Variants in ASRGL1 observed in about 807,000 individuals in gnomAD.
ASRGL1 encodes the protein asparaginase and isoaspartyl peptidase 1, also known as isoaspartyl peptidase/L-asparaginase.
A neutral mutation model predicts 22.4 loss-of-function variants in ASRGL1; 16 were observed. The ratio of observed to expected loss-of-function variants is 0.71; its 90% CI spans 0.48 to 1.08. The LOEUF (loss-of-function observed/expected upper bound fraction) is 1.08, where lower values mean the gene tolerates loss of function less well. Ranked by LOEUF, ASRGL1 falls within the 50% of genes least tolerant of loss-of-function variation. ASRGL1 has a pLI of 0.00. For missense variants in ASRGL1, 412 were observed against 410.1 expected (o/e 1.00, Z -0.04); for synonymous variants, 165 against 159.3 (o/e 1.04, Z -0.27).
downstream of ASRGL1, among the ~76,000 whole-genome samples, chr11:62,394,333 T>G (rs1947406063): frequency 7.1e-6 from 1 of 140,878 alleles, no homozygotes. Context: ...TAATTTATAA[T>G]TTATAATATA....
At chr11:62,371,242 G>T (rs916450169) in intron 4 of ASRGL1, 10 of 1,278,834 alleles carry the variant, frequency 7.8e-6, no homozygotes, top group Non-Finnish European at 1.0e-5. Context: ...CCGGAAGCGC[G>T]AGCCTCCCGA....
chr11:62,363,834 T>G (rs1946542326), intron 4 of ASRGL1, among the ~76,000 whole-genome samples: 2 of 152,120 alleles, frequency 1.3e-5, no homozygotes, highest in South Asian at 4.1e-4. Context: ...TTTTTTGCCA[T>G]TTTGTCAATA....
intron 4 of ASRGL1, among the ~76,000 whole-genome samples, chr11:62,365,595 A>G (rs1039951550): frequency 6.6e-6 from 1 of 152,096 alleles, no homozygotes; most frequent in Admixed American, 6.6e-5. Context: ...CACACCTGTA[A>G]TCCCAGCACT....
At chr11:62,377,640 A>AT (rs1946963296) in intron 4 of ASRGL1, among the ~76,000 whole-genome samples, 1 of 152,236 alleles carries the variant, frequency 6.6e-6, no homozygotes, top group African/African-American at 2.4e-5. Context: ...TGGGGTAATG[A>AT]TTATCAGTAA....
chr11:62,378,262 G>A (rs751164960), intron 4 of ASRGL1, among the ~76,000 whole-genome samples: 10 of 152,054 alleles, frequency 6.6e-5, no homozygotes, highest in Non-Finnish European at 1.0e-4. Flanking sequence ...AGATGCTATT[G>A]CCAGTCCAGC....
chr11:62,367,461 A>G (rs958308717), intron 4 of ASRGL1, among the ~76,000 whole-genome samples: 35 of 151,082 alleles, frequency 2.3e-4, no homozygotes, highest in African/African-American at 8.6e-4. Flanking sequence ...GTTGACCAAC[A>G]TGGTGAAACC....
intron 2 of ASRGL1, among the ~76,000 whole-genome samples, chr11:62,352,039 A>G (rs956764582): frequency 6.6e-6 from 1 of 152,156 alleles, no homozygotes; most frequent in African/African-American, 2.4e-5. Flanking sequence ...ATTTGCCCTT[A>G]TCTGTGTTAT....
chr11:62,395,362 A>G (rs1947419373), downstream of ASRGL1, among the ~76,000 whole-genome samples: 1 of 152,046 alleles, frequency 6.6e-6, no homozygotes. Context: ...AAATGGTGGG[A>G]TAATAAGGAG....
intron 2 of ASRGL1, among the ~76,000 whole-genome samples, chr11:62,341,305 T>G (rs1232092397): frequency 6.6e-6 from 1 of 151,780 alleles, no homozygotes; most frequent in Admixed American, 6.6e-5. Flanking sequence ...TTCAAGCGAT[T>G]CTCCTGCCTC....
At chr11:62,347,810 C>T (rs1946065812) in intron 2 of ASRGL1, among the ~76,000 whole-genome samples, 1 of 152,068 alleles carries the variant, frequency 6.6e-6, no homozygotes, top group Non-Finnish European at 1.5e-5. Flanking sequence ...TCCTGTAGTC[C>T]CAGCTACTTG....
chr11:62,356,614 T>C, intron 3 of ASRGL1, 147 bp downstream of exon 3: 1 of 1,096,776 alleles, frequency 9.1e-7, no homozygotes, highest in Non-Finnish European at 1.3e-6. Flanking sequence ...GTTTCTCAAA[T>C]CAGCCATGAT....
intron 2 of ASRGL1, among the ~76,000 whole-genome samples, chr11:62,351,344 C>T (rs1946161166): frequency 6.6e-6 from 1 of 152,164 alleles, no homozygotes; most frequent in African/African-American, 2.4e-5. Context: ...TTTCTTCCTT[C>T]CCAATGTTCC....
downstream of ASRGL1, among the ~76,000 whole-genome samples, chr11:62,394,219 AT>A (rs1244564600): frequency 9.1e-6 from 1 of 109,396 alleles, no homozygotes; most frequent in African/African-American, 5.9e-5. Flanking sequence ...GATATATAAT[AT>A]TATATATTTT....
At chr11:62,366,485 T>C (rs1481169930) in intron 4 of ASRGL1, among the ~76,000 whole-genome samples, 2 of 135,120 alleles carry the variant, frequency 1.5e-5, no homozygotes, top group African/African-American at 5.0e-5. Context: ...AGAACCCTCC[T>C]TCCTTATCTA....
chr11:62,359,511 T>A (rs756481260), intron 4 of ASRGL1, among the ~76,000 whole-genome samples: 5 of 152,140 alleles, frequency 3.3e-5, no homozygotes, highest in Non-Finnish European at 5.9e-5. Context: ...TATTTCAACA[T>A]GTAATGCATA....
chr11:62,364,935 G>T (rs1048435298), intron 4 of ASRGL1, among the ~76,000 whole-genome samples: 1 of 151,904 alleles, frequency 6.6e-6, no homozygotes, highest in African/African-American at 2.4e-5. Context: ...TGGGCGTGGT[G>T]GTGGGTGCCT....
At chr11:62,373,116 AGT>A (rs1946819256) in intron 4 of ASRGL1, 1 of 1,466,898 alleles carries the variant, frequency 6.8e-7, no homozygotes, top group South Asian at 1.1e-5. Context: ...AAGAGATGAA[AGT>A]GAAACTGAGA....
downstream of ASRGL1, among the ~76,000 whole-genome samples, chr11:62,398,260 A>G (rs1359918333): frequency 6.6e-6 from 1 of 150,568 alleles, no homozygotes; most frequent in East Asian, 2.0e-4. Flanking sequence ...ACCCTGCGCC[A>G]CCACCAGGAA....
chr11:62,393,605 A>G (rs544502415), downstream of ASRGL1, among the ~76,000 whole-genome samples: 8 of 152,264 alleles, frequency 5.3e-5, no homozygotes, highest in South Asian at 1.0e-3. Flanking sequence ...AAGCCAAACC[A>G]TGATAGGGTT....
Sources: gnomAD v4.1 joint callset for allele counts (sites outside exome capture counted in the v4.1 genomes callset) on GRCh38, gnomAD v4.1.1 for gene constraint, MANE v1.5 for transcripts, NCBI Gene and HGNC (gene_info 2026-07-23, HGNC 2026-07-21) for gene names.